The following ERBB4 variants were observed in gnomAD, a reference collection of about 807,000 sequenced individuals.
ERBB4 encodes receptor tyrosine-protein kinase erbB-4.
A neutral mutation model predicts 158.0 loss-of-function variants in ERBB4; 42 were observed. That is an observed-to-expected ratio of 0.27 (90% CI 0.21 to 0.34). ERBB4 has a LOEUF of 0.34. Among genes scored for constraint, ERBB4 ranks in the 10% least tolerant of loss-of-function variants. The pLI is 1.00. For synonymous variants in ERBB4, 583 were observed against 558.7 expected (o/e 1.04, Z -0.61); for missense variants, 1,333 against 1,624.1 (o/e 0.82, Z 3.08).
intron 3 of ERBB4, among the ~76,000 whole-genome samples, chr2:211,921,621 A>C (rs186671456): frequency 1.1e-3 from 173 of 152,224 alleles, no homozygotes; most frequent in African/African-American, 3.0e-3. Flanking sequence ...ACATGTTTTA[A>C]CAATGACATC....
intron 19 of ERBB4, among the ~76,000 whole-genome samples, chr2:211,589,077 A>G (rs1424606457): frequency 6.6e-6 from 1 of 152,202 alleles, no homozygotes; most frequent in Non-Finnish European, 1.5e-5. Flanking sequence ...CTTTAAAATT[A>G]TCACAGGCAA....
chr2:211,520,811 G>A (rs1413494832), intron 20 of ERBB4, among the ~76,000 whole-genome samples: 1 of 152,006 alleles, frequency 6.6e-6, no homozygotes, highest in African/African-American at 2.4e-5. Flanking sequence ...GGCAACTCTT[G>A]TAATATTTTA....
chr2:212,506,024 A>AAC (rs1451304401), intron 1 of ERBB4, among the ~76,000 whole-genome samples: 1 of 149,002 alleles, frequency 6.7e-6, no homozygotes, highest in African/African-American at 2.4e-5. Context: ...CCATTTTTCC[A>AAC]ACAACATATG....
chr2:212,029,914 T>C (rs1277153650), intron 2 of ERBB4, among the ~76,000 whole-genome samples: 10 of 152,166 alleles, frequency 6.6e-5, no homozygotes, highest in East Asian at 1.9e-4. Context: ...TTGCCTCGTA[T>C]ATTCCTTAGC....
intron 13 of ERBB4, among the ~76,000 whole-genome samples, chr2:211,675,922 G>A (rs1043069176): frequency 2.1e-4 from 31 of 151,028 alleles, no homozygotes; most frequent in Admixed American, 7.3e-4. Context: ...ATAAATAGAC[G>A]AAAAAGAAAA....
chr2:211,845,427 C>T lies in ERBB4; in HGVS notation c.422-57268G>A, dbSNP rs114285830. Among the ~76,000 whole-genome samples the T allele has an allele frequency of 2.6e-3, 399 of 152,172 alleles. 3 individuals are homozygous for T. Among genetic ancestry groups the T allele is most frequent in the African/African-American group, 9.4e-3 (391 of 41,516 alleles). On this transcript the variant is annotated intron_variant, in intron 3 of 27. Transcript: ENST00000342788. ...ATAGAGGACTGGCTGAGTATTATTC[C>T]CAGATAGGAATGTTAAAAGTCTTTG...
chr2:212,175,363 T>C (rs2081631463), intron 1 of ERBB4, among the ~76,000 whole-genome samples: 1 of 152,010 alleles, frequency 6.6e-6, no homozygotes, highest in African/African-American at 2.4e-5. Context: ...TTCCTCTTTA[T>C]GTCACTGTTT....
intron 2 of ERBB4, among the ~76,000 whole-genome samples, chr2:212,019,447 A>T (rs2076598387): frequency 6.6e-6 from 1 of 152,136 alleles, no homozygotes; most frequent in Admixed American, 6.6e-5. Flanking sequence ...GAATGGAAAA[A>T]CACATGTAAA....
At chr2:211,750,986 T>C (rs759513568) in intron 4 of ERBB4, among the ~76,000 whole-genome samples, 1 of 152,184 alleles carries the variant, frequency 6.6e-6, no homozygotes, top group Non-Finnish European at 1.5e-5. Flanking sequence ...CAAAAGCAAA[T>C]GATTATAGTT....
At chr2:212,191,276 G>A (rs62182569) in intron 1 of ERBB4, among the ~76,000 whole-genome samples, 28,959 of 151,906 alleles carry the variant, frequency 0.19, 3,061 homozygotes, top group Non-Finnish European at 0.22. Context: ...CCCAGATGAT[G>A]CTGATGCTAT....
chr2:212,050,938 A>C (rs1387004962), intron 2 of ERBB4, among the ~76,000 whole-genome samples: 1 of 152,192 alleles, frequency 6.6e-6, no homozygotes, highest in Non-Finnish European at 1.5e-5. Flanking sequence ...GAGAAGGTAC[A>C]CCTGCAAGCT....
intron 25 of ERBB4, among the ~76,000 whole-genome samples, chr2:211,408,712 G>T (rs2063194828): frequency 6.6e-6 from 1 of 152,146 alleles, no homozygotes; most frequent in Non-Finnish European, 1.5e-5. Flanking sequence ...TTTGGAGCCG[G>T]AAGACCTGAC....
chr2:212,342,631 T>C (rs571428337), intron 1 of ERBB4, among the ~76,000 whole-genome samples: 10 of 152,178 alleles, frequency 6.6e-5, no homozygotes, highest in Non-Finnish European at 1.2e-4. Context: ...GCCATATATC[T>C]GGGTTTTCAA....
At chr2:212,463,789 T>C (rs1183309153) in intron 1 of ERBB4, among the ~76,000 whole-genome samples, 3 of 152,132 alleles carry the variant, frequency 2.0e-5, no homozygotes, top group South Asian at 2.1e-4. Flanking sequence ...AGGTGATTAA[T>C]TGGCCCTGTT....
chr2:211,619,557 A>C (rs1574867795), intron 18 of ERBB4, among the ~76,000 whole-genome samples: 1 of 152,260 alleles, frequency 6.6e-6, no homozygotes, highest in East Asian at 1.9e-4. Context: ...TGAATAGTGA[A>C]GACAGCATGG....
chr2:212,481,002 TAA>T (rs1447967303), intron 1 of ERBB4, among the ~76,000 whole-genome samples: 1 of 152,168 alleles, frequency 6.6e-6, no homozygotes, highest in African/African-American at 2.4e-5. Context: ...TATGCTGATG[TAA>T]AGTCACTTTA....
Position 212,053,366 on chromosome 2 carries a change from C to G in ERBB4, c.234+71386G>C, listed in dbSNP as rs573003837. Among the ~76,000 whole-genome samples the G allele has an allele frequency of 7.9e-5, 12 of 152,248 alleles. No individual in the cohort carries two copies. In the South Asian group the frequency reaches 1.5e-3, roughly 18 times the overall value. On this transcript the variant is annotated intron_variant, in intron 2 of 27. Transcript: ENST00000342788. ...GGGCCAATCTAAACATCCAGTCACC[C>G]AGGTCTGATAATGTTCCACCTGGAC...
intron 1 of ERBB4, among the ~76,000 whole-genome samples, chr2:212,450,144 G>A (rs1354992748): frequency 6.6e-6 from 1 of 152,098 alleles, no homozygotes; most frequent in African/African-American, 2.4e-5. Flanking sequence ...AAACACAACA[G>A]AAGAAGAACA....
intron 2 of ERBB4, among the ~76,000 whole-genome samples, chr2:212,071,762 T>C (rs1305970256): frequency 1.3e-5 from 2 of 152,014 alleles, no homozygotes; most frequent in African/African-American, 4.8e-5. Flanking sequence ...GAAGTAATTG[T>C]CTACATTGGC....
Sources: allele counts gnomAD v4.1 joint callset (sites outside exome capture counted in the v4.1 genomes callset), GRCh38; gene constraint gnomAD v4.1.1; transcripts MANE v1.5; gene names NCBI Gene and HGNC (gene_info 2026-07-23, HGNC 2026-07-21).